Variants in PRELID2 observed in about 807,000 individuals in gnomAD.
The protein encoded by PRELID2 is PRELI domain-containing protein 2.
Under a neutral mutation model 28.4 loss-of-function variants are expected in PRELID2, and 25 were observed. The ratio of observed to expected loss-of-function variants is 0.88; its 90% CI spans 0.64 to 1.23. The LOEUF (loss-of-function observed/expected upper bound fraction) is 1.23. Among genes scored for constraint, PRELID2 ranks in the 50% most tolerant of loss-of-function variants. The pLI, the probability that PRELID2 is intolerant of heterozygous loss-of-function variation, is 0.00. For missense variants in PRELID2, 201 were observed against 214.4 expected (o/e 0.94, Z 0.39); for synonymous variants, 76 against 71.6 (o/e 1.06, Z -0.31).
At chr5:145,688,627 A>G (rs1214177655) in intron 1 of PRELID2, among the ~76,000 whole-genome samples, 1 of 152,210 alleles carries the variant, frequency 6.6e-6, no homozygotes, top group Non-Finnish European at 1.5e-5. Flanking sequence ...TTACCCAGTT[A>G]AAAGGGTAGA....
At chr5:145,611,503 A>C (rs144394463) in intron 1 of PRELID2, among the ~76,000 whole-genome samples, 88 of 152,270 alleles carry the variant, frequency 5.8e-4, no homozygotes, top group Middle Eastern at 3.4e-3. Context: ...TAACCCAGCA[A>C]CTAATAGAAA....
At chr5:145,640,326 A>T (rs1318349561) in intron 1 of PRELID2, among the ~76,000 whole-genome samples, 1 of 151,932 alleles carries the variant, frequency 6.6e-6, no homozygotes, top group Non-Finnish European at 1.5e-5. Context: ...AATACAAAAA[A>T]TTAGCCGGGC....
chr5:145,318,198 T>C, the PRELID2 span, among the ~76,000 whole-genome samples: 3 of 152,296 alleles, frequency 2.0e-5, no homozygotes, highest in East Asian at 3.9e-4. Flanking sequence ...TATAGAAATA[T>C]CTATGTTCTC....
chr5:145,262,670 C>T, the PRELID2 span, among the ~76,000 whole-genome samples: 52 of 152,106 alleles, frequency 3.4e-4, no homozygotes, highest in African/African-American at 1.2e-3. Context: ...GCCAGCATTA[C>T]AAGAACTGCT....
the PRELID2 span, among the ~76,000 whole-genome samples, chr5:145,406,300 C>G: frequency 6.6e-6 from 1 of 152,106 alleles, no homozygotes; most frequent in Non-Finnish European, 1.5e-5. Context: ...TAGTCTTTTA[C>G]CCTTCTACAG....
At chr5:145,264,037 C>T in the PRELID2 span, among the ~76,000 whole-genome samples, 39 of 152,176 alleles carry the variant, frequency 2.6e-4, 1 homozygote, top group African/African-American at 7.2e-4. Flanking sequence ...ATTACAGGGG[C>T]GCCCAGCCTC....
chr5:145,395,045 C>A, the PRELID2 span, among the ~76,000 whole-genome samples: 1 of 152,008 alleles, frequency 6.6e-6, no homozygotes, highest in East Asian at 1.9e-4. Flanking sequence ...GAGATGGCTG[C>A]AATGTACTAC....
At chr5:145,697,481 T>C (rs984612938) in intron 1 of PRELID2, among the ~76,000 whole-genome samples, 1 of 152,148 alleles carries the variant, frequency 6.6e-6, no homozygotes, top group African/African-American at 2.4e-5. Flanking sequence ...CTCTGCTGCC[T>C]GCTTTTATAA....
chr5:145,634,321 T>C (rs1753971921), intron 1 of PRELID2, among the ~76,000 whole-genome samples: 1 of 152,052 alleles, frequency 6.6e-6, no homozygotes, highest in African/African-American at 2.4e-5. Flanking sequence ...TGCTGCAAAT[T>C]CTCTCAGGCC....
chr5:145,571,981 CA>C lies in PRELID2; in HGVS notation n.71-98667del, dbSNP rs557402967. On this transcript the variant is annotated intron_variant and non_coding_transcript_variant, in intron 1 of 2. Transcript: ENST00000510259. ...TGGGCAACAGAGTGAGACTCCGTCT[CA>C]AAAAAAAAAAAGAAAGAAAAAAGAA... Among the ~76,000 whole-genome samples the C allele has an allele frequency of 4.9e-3, 492 of 100,718 alleles. 1 individual carries two copies. Among genetic ancestry groups the C allele is most frequent in the African/African-American group, 0.017 (383 of 22,920 alleles). 66.1% of individuals were successfully genotyped at this position (100,718 alleles called of 152,430 possible). A position where few individuals can be genotyped will look rare whatever the true frequency, so the allele number is the denominator to read the frequency against.
chr5:145,579,586 C>T (rs1003774698), intron 1 of PRELID2, among the ~76,000 whole-genome samples: 1 of 152,022 alleles, frequency 6.6e-6, no homozygotes, highest in Admixed American at 6.6e-5. Context: ...TCAGAAAAAG[C>T]AAATAGAGTT....
chr5:145,629,210 C>A (rs373660313), intron 1 of PRELID2, among the ~76,000 whole-genome samples: 11 of 152,086 alleles, frequency 7.2e-5, no homozygotes, highest in African/African-American at 2.4e-4. Flanking sequence ...GTGACTGGGC[C>A]CTACAGGTCC....
intron 1 of PRELID2, among the ~76,000 whole-genome samples, chr5:145,698,316 A>G (rs914122636): frequency 6.6e-6 from 1 of 152,234 alleles, no homozygotes; most frequent in Non-Finnish European, 1.5e-5. Context: ...TAACTTTTAA[A>G]TGAGATTTAA....
chr5:145,414,232 C>A, the PRELID2 span, among the ~76,000 whole-genome samples: 4 of 152,270 alleles, frequency 2.6e-5, no homozygotes, highest in Admixed American at 6.5e-5. Context: ...GAGTTATCCA[C>A]AATTCAAAAT....
At chr5:145,429,509 G>T in the PRELID2 span, among the ~76,000 whole-genome samples, 1 of 152,178 alleles carries the variant, frequency 6.6e-6, no homozygotes, top group Non-Finnish European at 1.5e-5. Context: ...GGAGTAGGCA[G>T]TTGGTTTTAT....
chr5:145,276,300 C>G, the PRELID2 span, among the ~76,000 whole-genome samples: 3 of 152,128 alleles, frequency 2.0e-5, no homozygotes, highest in African/African-American at 7.2e-5. Context: ...CTACACCTTT[C>G]CACTAAAATA....
At chr5:145,800,301 TACACAC>T (rs10555229) in intron 4 of PRELID2, among the ~76,000 whole-genome samples, 9 of 138,562 alleles carry the variant, frequency 6.5e-5, no homozygotes, top group South Asian at 2.5e-4. Flanking sequence ...CCCCTTCTCT[TACACAC>T]ACACACACAC....
At chr5:145,607,448 T>C (rs1398368802) in intron 1 of PRELID2, among the ~76,000 whole-genome samples, 3 of 152,190 alleles carry the variant, frequency 2.0e-5, no homozygotes, top group African/African-American at 2.4e-5. Flanking sequence ...TGTTGTATCG[T>C]TGTTCTCATT....
chr5:145,700,364 C>T (rs1755378158), intron 1 of PRELID2, among the ~76,000 whole-genome samples: 1 of 152,184 alleles, frequency 6.6e-6, no homozygotes, highest in Non-Finnish European at 1.5e-5. Flanking sequence ...AAAATATCAA[C>T]TTACTTTCCT....
Sources: allele counts gnomAD v4.1 joint callset (sites outside exome capture counted in the v4.1 genomes callset), GRCh38; gene constraint gnomAD v4.1.1; transcripts MANE v1.5; gene names NCBI Gene and HGNC (gene_info 2026-07-23, HGNC 2026-07-21).